TNFRSF8: variants seen among roughly 807,000 people sequenced by gnomAD.
TNFRSF8 encodes the protein TNF receptor superfamily member 8, also known as tumor necrosis factor receptor superfamily member 8.
A neutral mutation model predicts 70.8 loss-of-function variants in TNFRSF8; 26 were observed. The observed-to-expected ratio is 0.37, with a 90% confidence interval of 0.27 to 0.51. The LOEUF (loss-of-function observed/expected upper bound fraction) is 0.51. Ranked by LOEUF, TNFRSF8 falls within the 20% of genes least tolerant of loss-of-function variation. TNFRSF8 has a pLI of 0.94. For synonymous variants in TNFRSF8, 356 were observed against 339.2 expected (o/e 1.05, Z -0.54); for missense variants, 720 against 807.9 (o/e 0.89, Z 1.32).
intron 3 of TNFRSF8, among the ~76,000 whole-genome samples, chr1:12,101,597 T>C (rs1557588026): frequency 6.6e-6 from 1 of 152,176 alleles, no homozygotes; most frequent in Non-Finnish European, 1.5e-5. Flanking sequence ...TCCACAAACA[T>C]GGGAGTAACG....
In TNFRSF8 at chr1:12,109,309, C is replaced by T. The variant is rs1439760910; in HGVS notation, c.422-257C>T. On this transcript the variant is annotated intron_variant, in intron 4 of 14. Coordinates refer to ENST00000263932, the MANE Select transcript of TNFRSF8 (RefSeq NM_001243.5). The surrounding 1 kb of genome is among the most constrained non-coding windows in gnomAD (Gnocchi z 4.4). The stretch of plus-strand genomic sequence containing the variant: ...TGATTGGTCCAGCCTGGTCTCATGG[C>T]CACTCGGGAAAGGGGGTTCAGTCGG... Among the ~76,000 whole-genome samples, 1 of 152,158 alleles carries T rather than the reference C, an allele frequency of 6.6e-6. No homozygotes were observed. The highest frequency in any genetic ancestry group is 6.5e-5 in the Admixed American group (1 of 15,270).
At chr1:12,081,459 C>T (rs1641061256) in intron 1 of TNFRSF8, among the ~76,000 whole-genome samples, 1 of 151,924 alleles carries the variant, frequency 6.6e-6, no homozygotes, top group Non-Finnish European at 1.5e-5. Context: ...TCCTGCCCCC[C>T]TGGAGAGGCT....
At position 12,143,838 on chromosome 1, in the gene TNFRSF8, C is replaced by G. The variant is rs1010002010; in HGVS notation, c.*1307C>G. ...CCCGGGAAGGCTGCTGTTTACTCATCGGGCAGCCACGTGCTCTCTGGAGGA... is the reference window on the plus strand; with the variant it reads ...CCCGGGAAGGCTGCTGTTTACTCATGGGGCAGCCACGTGCTCTCTGGAGGA... On this transcript the variant is annotated 3_prime_UTR_variant, in exon 15 of 15. Transcript: ENST00000263932. The surrounding 1 kb of genome is among the most constrained non-coding windows in gnomAD (Gnocchi z 4.1). The G allele has an allele frequency of 2.0e-5, 3 of 152,196 alleles. No homozygotes were observed. The highest frequency in any genetic ancestry group is 2.0e-4 in the Admixed American group (3 of 15,284). The allele number at this position is 152,196 out of a possible 1,614,324, so 9.4% of individuals were successfully genotyped here.
chr1:12,080,126 T>C (rs1641038316), intron 1 of TNFRSF8, among the ~76,000 whole-genome samples: 1 of 152,008 alleles, frequency 6.6e-6, no homozygotes, highest in Admixed American at 6.6e-5. Flanking sequence ...TTTTTGTATT[T>C]TTAGCAGAGA....
At chr1:12,089,921 CCCAT>C (rs781204282) in intron 2 of TNFRSF8, among the ~76,000 whole-genome samples, 37 of 150,072 alleles carry the variant, frequency 2.5e-4, no homozygotes, top group Admixed American at 2.6e-4. Context: ...TCCACCCTTC[CCCAT>C]CCATCCATCC....
chr1:12,105,521 T>A (rs565390767), intron 4 of TNFRSF8, among the ~76,000 whole-genome samples: 1 of 150,008 alleles, frequency 6.7e-6, no homozygotes, highest in Non-Finnish European at 1.5e-5. Context: ...CAAATCTGAA[T>A]CTGATCCTCT....
rs1436000992 is a variant in TNFRSF8 at position 12,084,498 on chromosome 1, C to G, written c.98C>G (p.Pro33Arg). Residue 33 changes from proline to arginine, a missense_variant, in exon 2 of 15, where the codon CCC becomes CGC. Physicochemically the swap from Pro to Arg is moderately radical, Grantham distance 103. Transcript: ENST00000263932. Reference protein sequence around the residue: ...RPFEDTCHGNPSHYYDKAVRR... With the variant: ...RPFEDTCHGNRSHYYDKAVRR... ...TTCGAGGACACCTGTCATGGAAACC[C>G]CAGCCACTACTATGACAAGGCTGTC... 6.2e-7 allele frequency: 1 copy of G among 1,614,064 alleles called. No individual in the cohort carries two copies. The highest frequency in any genetic ancestry group is 2.2e-5 in the East Asian group (1 of 44,878).
Position 12,141,640 on chromosome 1 carries a change from C to T in TNFRSF8, c.1544-647C>T, listed in dbSNP as rs894582860. Among the ~76,000 whole-genome samples the T allele has an allele frequency of 6.6e-6, 1 of 152,198 alleles. No individual in the cohort carries two copies. Among genetic ancestry groups the T allele is most frequent in the African/African-American group, 2.4e-5 (1 of 41,452 alleles). On this transcript the variant is annotated intron_variant, in intron 14 of 14. Transcript: ENST00000263932. This position sits in a 1 kb window ranked among gnomAD's most constrained non-coding sequence, Gnocchi z 5.4. ...GACAGGCTGGCTGAGTTTGCCCGGA[C>T]CGAGGGGACTCCCAGGACACGGGAC...
In TNFRSF8 at chr1:12,063,391, A is replaced by AAATT. The variant is rs1640680673; in HGVS notation, c.-208_-207insAATT. The AAATT allele has an allele frequency of 2.5e-6, 1 of 400,456 alleles. No individual in the cohort carries two copies. The highest frequency in any genetic ancestry group is 4.4e-6 in the Non-Finnish European group (1 of 229,278). The allele number at this position is 400,456 out of a possible 1,614,324, so 24.8% of individuals were successfully genotyped here. ...GAACCAATTTGATACGGGAGAACTA[A>AAATT]GGCTGAAACCTCGGAGGAACAACCA... On this transcript the variant is annotated 5_prime_UTR_variant, in exon 1 of 15. Transcript: ENST00000263932. The surrounding 1 kb of genome is among the most constrained non-coding windows in gnomAD (Gnocchi z 7.2).
intron 1 of TNFRSF8, among the ~76,000 whole-genome samples, chr1:12,079,077 C>T (rs1557576573): frequency 6.6e-6 from 1 of 152,190 alleles, no homozygotes; most frequent in Non-Finnish European, 1.5e-5. Context: ...CTGGCCCCTT[C>T]GGGGATTTTG....
chr1:12,075,761 C>T lies in TNFRSF8; in HGVS notation c.64-8703C>T, dbSNP rs118012577. ...GAGCGTCACCATCTTGGACAAGCATCGCCGTTTTAAATTCTCCTTGATTAA... is the reference window on the plus strand; with the variant it reads ...GAGCGTCACCATCTTGGACAAGCATTGCCGTTTTAAATTCTCCTTGATTAA... On this transcript the variant is annotated intron_variant, in intron 1 of 14. Coordinates refer to ENST00000263932, the MANE Select transcript of TNFRSF8 (RefSeq NM_001243.5). Among the ~76,000 whole-genome samples the T allele has an allele frequency of 1.4e-3, 217 of 152,322 alleles. 8 individuals are homozygous for T. The East Asian group carries it at 0.039, about 27-fold the overall frequency.
At position 12,142,768 on chromosome 1, in the gene TNFRSF8, C is replaced by A; in HGVS notation, c.*237C>A. The A allele has an allele frequency of 1.8e-6, 1 of 542,496 alleles. No individual in the cohort carries two copies. Among genetic ancestry groups the A allele is most frequent in the Non-Finnish European group, 3.2e-6 (1 of 308,786 alleles). 33.6% of individuals were successfully genotyped at this position (542,496 alleles called of 1,614,324 possible). On this transcript the variant is annotated 3_prime_UTR_variant, in exon 15 of 15. Transcript: ENST00000263932. The surrounding 1 kb of genome is among the most constrained non-coding windows in gnomAD (Gnocchi z 5.0). Reference sequence around the variant, plus strand: ...CGGGGCTTGTACAGAAGAGACAGTCCAAGGGGACTGGATCCCAGCAGTGAT... The same window carrying A: ...CGGGGCTTGTACAGAAGAGACAGTCAAAGGGGACTGGATCCCAGCAGTGAT...
chr1:12,136,570 G>T (rs1212461778), intron 13 of TNFRSF8, among the ~76,000 whole-genome samples: 1 of 151,180 alleles, frequency 6.6e-6, no homozygotes, highest in African/African-American at 2.4e-5. Flanking sequence ...AATCGCTTGA[G>T]CCTGGGGGAC....
rs144330296 is a variant in TNFRSF8, at chr1:12,091,146, A to G, written c.152-5955A>G. ...CTTCTGGCTTCAAGAGCTGACAATTAATTTCTGTTGTTTAAGCCACCCTGC... is the reference window on the plus strand; with the variant it reads ...CTTCTGGCTTCAAGAGCTGACAATTGATTTCTGTTGTTTAAGCCACCCTGC... On this transcript the variant is annotated intron_variant, in intron 2 of 14. Transcript: ENST00000263932. Among the ~76,000 whole-genome samples, 571 of 152,214 alleles carry G rather than the reference A, an allele frequency of 3.8e-3. 5 individuals are homozygous for G. Among genetic ancestry groups the G allele is most frequent in the African/African-American group, 0.013 (536 of 41,532 alleles).
intron 8 of TNFRSF8, among the ~76,000 whole-genome samples, chr1:12,118,593 C>T (rs182478713): frequency 2.0e-5 from 3 of 152,294 alleles, no homozygotes; most frequent in African/African-American, 4.8e-5. Flanking sequence ...TTCACGAAGT[C>T]GTTACATCCA....
At chr1:12,065,302 C>T (rs1002710850) in intron 1 of TNFRSF8, among the ~76,000 whole-genome samples, 2 of 152,000 alleles carry the variant, frequency 1.3e-5, no homozygotes, top group Admixed American at 6.5e-5. Context: ...AGTCTGGTCT[C>T]GAACTCCTGA....
chr1:12,114,093 G>GT (rs1311924020), intron 7 of TNFRSF8, among the ~76,000 whole-genome samples: 3 of 152,158 alleles, frequency 2.0e-5, no homozygotes, highest in Non-Finnish European at 4.4e-5. Context: ...GTGGAGTGGT[G>GT]TATTAGTAGC....
At position 12,109,506 on chromosome 1, in the gene TNFRSF8, A is replaced by G. The variant is rs1046142559; in HGVS notation, c.422-60A>G. 2.1e-6 allele frequency: 3 copies of G among 1,424,624 alleles called. No individual in the cohort carries two copies. The African/African-American group carries it at 4.2e-5, about 20-fold the overall frequency. The allele number at this position is 1,424,624 out of a possible 1,614,324, so 88.2% of individuals were successfully genotyped here. On this transcript the variant is annotated intron_variant, in intron 4 of 14. Coordinates refer to ENST00000263932, the MANE Select transcript of TNFRSF8 (RefSeq NM_001243.5). The surrounding 1 kb of genome is among the most constrained non-coding windows in gnomAD (Gnocchi z 4.4). ...TCTGGCCTGTGGTAGTGAAGGGTGT[A>G]TTCCGGGAGACTTTGGGTCCCCAAC...
chr1:12,095,873 C>T (rs565559641), intron 2 of TNFRSF8, among the ~76,000 whole-genome samples: 2 of 152,334 alleles, frequency 1.3e-5, no homozygotes, highest in South Asian at 2.1e-4. Flanking sequence ...CTCAGGAGCC[C>T]ATTTCTCTCC....
Sources: allele counts gnomAD v4.1 joint callset (sites outside exome capture counted in the v4.1 genomes callset), GRCh38; gene constraint gnomAD v4.1.1; non-coding constraint Gnocchi (gnomAD v3.1); transcripts MANE v1.5; gene names NCBI Gene and HGNC (gene_info 2026-07-23, HGNC 2026-07-21).